The following SAMD4A variants were observed in gnomAD, a reference collection of about 807,000 sequenced individuals.
SAMD4A encodes the protein protein Smaug homolog 1.
SAMD4A carries 33 observed loss-of-function variants against 81.3 expected under a neutral mutation model. The ratio of observed to expected loss-of-function variants is 0.41; its 90% CI spans 0.31 to 0.54. The LOEUF (loss-of-function observed/expected upper bound fraction) is 0.54. Among genes scored for constraint, SAMD4A ranks in the 20% least tolerant of loss-of-function variants. The pLI, the probability that SAMD4A is intolerant of heterozygous loss-of-function variation, is 0.37. For missense variants in SAMD4A, 854 were observed against 951.1 expected (o/e 0.90, Z 1.34); for synonymous variants, 389 against 382.1 (o/e 1.02, Z -0.21).
In SAMD4A at chr14:54,638,316, G is replaced by A. The variant is rs570248195; in HGVS notation, c.197-63746G>A. ...ACCTGATGTTTCCCATAAACGTTGC[G>A]CATGGAATTTCCCCCATTTGTCATG... On this transcript the variant is annotated intron_variant, in intron 2 of 12. Transcript: ENST00000554335. Among the ~76,000 whole-genome samples, 263 of 152,244 alleles carry A rather than the reference G, an allele frequency of 1.7e-3. 2 individuals are homozygous for A. Among genetic ancestry groups the A allele is most frequent in the African/African-American group, 5.8e-3 (240 of 41,542 alleles).
At position 54,791,040 on chromosome 14, in the gene SAMD4A, T is replaced by C. The variant is rs2039251642; in HGVS notation, c.*2096T>C. 1 of 152,192 alleles carries C rather than the reference T, an allele frequency of 6.6e-6. No individual in the cohort carries two copies. Among genetic ancestry groups the C allele is most frequent in the Admixed American group, 6.5e-5 (1 of 15,282 alleles). 9.4% of individuals were successfully genotyped at this position (152,192 alleles called of 1,614,324 possible). On this transcript the variant is annotated 3_prime_UTR_variant, in exon 13 of 13. Transcript: ENST00000554335. ...ACTAAGTTCTAAAGATGCAAATCCA[T>C]GTGCAGAAAGAGATGGCATTTTTTA...
Position 54,682,002 on chromosome 14 carries a change from G to A in SAMD4A, c.197-20060G>A, listed in dbSNP as rs2036139274. The A allele has an allele frequency of 5.1e-6, 5 of 985,384 alleles. No individual in the cohort carries two copies. The South Asian group carries it at 2.3e-4, about 46-fold the overall frequency. 61.0% of individuals were successfully genotyped at this position (985,384 alleles called of 1,614,324 possible). The stretch of plus-strand genomic sequence containing the variant: ...TGCTGTCATAACATGCAGTACCTGG[G>A]TCTAGGACTGGCCTTACAGAGTGTT... On this transcript the variant is annotated intron_variant, in intron 2 of 12. Transcript: ENST00000554335.
At chr14:54,587,513 A>G (rs1187593) in intron 2 of SAMD4A, among the ~76,000 whole-genome samples, 72,455 of 151,962 alleles carry the variant, frequency 0.48, 17,876 homozygotes, top group African/African-American at 0.61. Context: ...CCAGTTCTCA[A>G]GGGGAATGCT....
intron 2 of SAMD4A, among the ~76,000 whole-genome samples, chr14:54,589,087 G>T (rs2033704939): frequency 6.6e-6 from 1 of 152,128 alleles, no homozygotes. Flanking sequence ...ATATCAAAGA[G>T]CTCAAATTAG....
In SAMD4A at chr14:54,574,190, T is replaced by G. The variant is rs563270272; in HGVS notation, c.196+6078T>G. Among the ~76,000 whole-genome samples the G allele has an allele frequency of 6.6e-5, 10 of 152,258 alleles. No individual in the cohort carries two copies. The South Asian group carries it at 1.7e-3, about 25-fold the overall frequency. On this transcript the variant is annotated intron_variant, in intron 2 of 12. Coordinates refer to ENST00000554335, the MANE Select transcript of SAMD4A (RefSeq NM_015589.6). ...ATTACTCCTCTCAAGTAGCTTACAC[T>G]CGAGTTGCAGAGCTGAAACAAACAT...
intron 3 of SAMD4A, among the ~76,000 whole-genome samples, chr14:54,733,581 C>T (rs1797308553): frequency 6.6e-6 from 1 of 152,140 alleles, no homozygotes; most frequent in Non-Finnish European, 1.5e-5. Flanking sequence ...GACCTCAGTT[C>T]TGCTGGACTT....
chr14:54,691,706 G>T (rs2236296), intron 2 of SAMD4A, among the ~76,000 whole-genome samples: 36,968 of 152,218 alleles, frequency 0.24, 5,491 homozygotes, highest in Admixed American at 0.34. Flanking sequence ...ATTGGCTGGC[G>T]GCTGGAGGGG....
At chr14:54,720,084 G>C (rs988789520) in intron 3 of SAMD4A, among the ~76,000 whole-genome samples, 4 of 151,752 alleles carry the variant, frequency 2.6e-5, no homozygotes, top group African/African-American at 9.7e-5. Context: ...TAATCTTTCT[G>C]TTCTACTCAC....
intron 2 of SAMD4A, among the ~76,000 whole-genome samples, chr14:54,588,410 T>A (rs1168570679): frequency 6.6e-6 from 1 of 152,168 alleles, no homozygotes; most frequent in African/African-American, 2.4e-5. Context: ...ATTTGTTATT[T>A]CTTTTTTTCT....
intron 2 of SAMD4A, among the ~76,000 whole-genome samples, chr14:54,681,461 G>A (rs546821730): frequency 2.5e-4 from 38 of 152,190 alleles, no homozygotes; most frequent in African/African-American, 8.7e-4. Flanking sequence ...ATGCGGACTC[G>A]CTCTGTTACC....
At chr14:54,597,205 G>C (rs1250945561) in intron 2 of SAMD4A, among the ~76,000 whole-genome samples, 1 of 151,674 alleles carries the variant, frequency 6.6e-6, no homozygotes, top group Non-Finnish European at 1.5e-5. Context: ...CTGTTAGGTA[G>C]GCATGCTTCA....
chr14:54,603,547 A>T (rs533556112), intron 2 of SAMD4A, among the ~76,000 whole-genome samples: 2 of 152,080 alleles, frequency 1.3e-5, no homozygotes, highest in South Asian at 4.2e-4. Context: ...CATGCCCGTT[A>T]GCCTGTGAAA....
chr14:54,719,799 G>A (rs117948025), intron 3 of SAMD4A, among the ~76,000 whole-genome samples: 10 of 152,238 alleles, frequency 6.6e-5, no homozygotes, highest in East Asian at 5.8e-4. Context: ...ACCCATAAGC[G>A]GTTGTGAAAG....
At chr14:54,702,637 G>A in intron 3 of SAMD4A, 57 bp downstream of exon 3, 4 of 1,569,070 alleles carry the variant, frequency 2.5e-6, no homozygotes, top group Non-Finnish European at 3.5e-6. Flanking sequence ...CTGTGTATGT[G>A]GCATGTCCTG....
At chr14:54,577,147 G>C (rs2033322264) in intron 2 of SAMD4A, among the ~76,000 whole-genome samples, 1 of 152,252 alleles carries the variant, frequency 6.6e-6, no homozygotes, top group Non-Finnish European at 1.5e-5. Context: ...ATGTGCTTGG[G>C]AAGTGGCTGA....
rs183816093 is a variant in SAMD4A at position 54,633,113 on chromosome 14, G to T, written c.196+65001G>T. On this transcript the variant is annotated intron_variant, in intron 2 of 12. Coordinates refer to ENST00000554335, the MANE Select transcript of SAMD4A (RefSeq NM_015589.6). ...AACTGCCAGCTGGCTGTCTGAAGAG[G>T]TTATACCAACCTACAGTCCTAACCA... Among the ~76,000 whole-genome samples the T allele has an allele frequency of 9.5e-4, 144 of 152,338 alleles. 3 individuals carry two copies. The South Asian group carries it at 0.017, about 18-fold the overall frequency.
At chr14:54,626,055 T>C (rs200127784) in intron 2 of SAMD4A, among the ~76,000 whole-genome samples, 4,386 of 107,612 alleles carry the variant, frequency 0.041, 111 homozygotes, top group African/African-American at 0.11. Context: ...TGTGTGTGTG[T>C]GTGTGCGCGC....
chr14:54,672,822 T>C (rs898136775), intron 2 of SAMD4A, among the ~76,000 whole-genome samples: 2 of 152,244 alleles, frequency 1.3e-5, no homozygotes, highest in African/African-American at 4.8e-5. Context: ...AATGAAATGA[T>C]GAAGTGCAAC....
chr14:54,743,495 C>G (rs2037893582), intron 4 of SAMD4A, among the ~76,000 whole-genome samples: 2 of 152,224 alleles, frequency 1.3e-5, no homozygotes. Context: ...GTATTTTCCT[C>G]TGAAGCTTTA....
Sources: gnomAD v4.1 joint callset for allele counts (sites outside exome capture counted in the v4.1 genomes callset) on GRCh38, gnomAD v4.1.1 for gene constraint, MANE v1.5 for transcripts, NCBI Gene and HGNC (gene_info 2026-07-23, HGNC 2026-07-21) for gene names.